The following TAF7L variants were observed in gnomAD, a reference collection of about 807,000 sequenced individuals.
TAF7L encodes TATA-box binding protein associated factor 7 like, also known as transcription initiation factor TFIID subunit 7-like.
In TAF7L, 6 loss-of-function variants were observed where a neutral mutation model predicts 30.2. That is an observed-to-expected ratio of 0.20 (90% CI 0.11 to 0.39). TAF7L has a LOEUF of 0.39. Ranked by LOEUF, TAF7L falls within the 10% of genes least tolerant of loss-of-function variation. The pLI is 1.00. For missense variants in TAF7L, 284 were observed against 277.1 expected (o/e 1.03, Z -0.18); for synonymous variants, 93 against 94.5 (o/e 0.98, Z 0.09).
chrX:101,285,248 C>A (rs1031523995), intron 3 of TAF7L, among the ~76,000 whole-genome samples: 19 of 110,924 alleles, frequency 1.7e-4, no homozygotes, highest in African/African-American at 5.9e-4. Flanking sequence ...GTAATCCCAG[C>A]ACTTTGGGAG....
intron 9 of TAF7L, among the ~76,000 whole-genome samples, 167 bp from the exon 10 acceptor site, chrX:101,276,695 G>A (rs767373725): frequency 1.8e-5 from 2 of 111,639 alleles, no homozygotes; most frequent in South Asian, 7.5e-4. Context: ...GACAGCAAAT[G>A]CAAAACACTG....
chrX:101,281,884 C>CA, intron 5 of TAF7L, 109 bp from the exon 6 acceptor site: 1 of 601,190 alleles, frequency 1.7e-6, no homozygotes, highest in Non-Finnish European at 2.4e-6. Context: ...TGACATCACT[C>CA]CTTTTTTTTT....
chrX:101,287,778 A>C (rs1924657767), intron 1 of TAF7L: 1 of 306,992 alleles, frequency 3.3e-6, no homozygotes, highest in Admixed American at 6.0e-5. Context: ...GTCAATCCAA[A>C]TTACATGATG....
intron 1 of TAF7L, among the ~76,000 whole-genome samples, chrX:101,288,173 G>C (rs1422759400): frequency 1.9e-5 from 2 of 105,221 alleles, no homozygotes; most frequent in African/African-American, 7.0e-5. Context: ...ACAGAGTCTC[G>C]CTCTGTCGCC....
intron 3 of TAF7L, among the ~76,000 whole-genome samples, chrX:101,285,391 G>A (rs1442745964): frequency 3.7e-5 from 4 of 106,957 alleles, no homozygotes; most frequent in African/African-American, 1.0e-4. Flanking sequence ...CCAGCTACTC[G>A]GAAGGCTGAG....
At chrX:101,289,190 T>C (rs2077890675) in intron 1 of TAF7L, among the ~76,000 whole-genome samples, 2 of 112,248 alleles carry the variant, frequency 1.8e-5, no homozygotes, top group African/African-American at 6.5e-5. Flanking sequence ...TAATATAATA[T>C]CCTCCAGATT....
At chrX:101,274,798 T>A (rs1924103517) in intron 12 of TAF7L, among the ~76,000 whole-genome samples, 1 of 112,380 alleles carries the variant, frequency 8.9e-6, no homozygotes, top group African/African-American at 3.2e-5. Flanking sequence ...TTTCAACGTT[T>A]AATTATTAGA....
intron 1 of TAF7L, among the ~76,000 whole-genome samples, chrX:101,288,164 CAG>C (rs1924672395): frequency 9.5e-6 from 1 of 105,005 alleles, no homozygotes; most frequent in South Asian, 4.4e-4. Context: ...TTTTTCAAGA[CAG>C]AGTCTCGCTC....
upstream of TAF7L, chrX:101,292,852 G>T: frequency 8.3e-7 from 1 of 1,211,643 alleles, no homozygotes; most frequent in Non-Finnish European, 1.1e-6. Flanking sequence ...GTCCGCATCC[G>T]TTTGAGTGTC....
At chrX:101,289,068 C>T (rs1002434751) in intron 1 of TAF7L, among the ~76,000 whole-genome samples, 5 of 111,908 alleles carry the variant, frequency 4.5e-5, no homozygotes, top group African/African-American at 1.6e-4. Flanking sequence ...CCCGCTACTC[C>T]AGCCTGTAAT....
intron 4 of TAF7L, 140 bp downstream of exon 4, chrX:101,283,310 A>C: frequency 1.5e-6 from 1 of 675,312 alleles, no homozygotes; most frequent in Non-Finnish European, 2.2e-6. Flanking sequence ...ATGACATTTC[A>C]TTCCTGTGCA....
At position 101,279,019 on chromosome X, in the gene TAF7L, T is replaced by C; in HGVS notation, c.479A>G (p.Glu160Gly). The part of the protein sequence containing the change: ...KTQKKVPDVK[E>G]MEKSSFTEYI... ...CTCAGTAAAGCTGCTTTTTTCCATT[T>C]CTTTGACATCAGGGACCTATGAAAT... Residue 160 changes from glutamate (E) to glycine (G), a missense_variant, in exon 7 of 13, where the codon GAA becomes GGA. Coordinates refer to ENST00000356784, the MANE Select transcript of TAF7L (RefSeq NM_001168474.2). The C allele has an allele frequency of 8.3e-7, 1 of 1,204,619 alleles. No homozygotes were observed. The highest frequency in any genetic ancestry group is 1.8e-5 in the South Asian group (1 of 56,427).
At chrX:101,275,858 A>G (rs200282901) in intron 11 of TAF7L, 142 bp downstream of exon 11, 1 of 421,579 alleles carries the variant, frequency 2.4e-6, no homozygotes, top group East Asian at 3.9e-5. Context: ...AAACAGGGTT[A>G]TCTTTTATTA....
chrX:101,275,195 T>C, intron 12 of TAF7L, 27 bp downstream of exon 12: 8 of 1,088,116 alleles, frequency 7.4e-6, no homozygotes, highest in Non-Finnish European at 1.0e-5. Context: ...AAATGTTTTC[T>C]GGTTAATTTG....
intron 12 of TAF7L, among the ~76,000 whole-genome samples, chrX:101,271,748 TGAC>T (rs1923972168): frequency 8.9e-6 from 1 of 111,890 alleles, no homozygotes; most frequent in Non-Finnish European, 1.9e-5. Flanking sequence ...TGTCACCAGG[TGAC>T]AGGAATTTCT....
In TAF7L at chrX:101,276,063, C is replaced by A; in HGVS notation, c.963G>T (p.Lys321Asn). 2 of 1,206,812 alleles carry A rather than the reference C, an allele frequency of 1.7e-6. 1 individual carries two copies. Among genetic ancestry groups the A allele is most frequent in the South Asian group, 3.6e-5 (2 of 55,460 alleles). Residue 321 changes from lysine (K) to asparagine (N), a missense_variant, in exon 11 of 13, where the codon AAG (lysine) becomes AAT (asparagine). Coordinates refer to ENST00000356784, the MANE Select transcript of TAF7L (RefSeq NM_001168474.2). ...QIEKKEKKLH[K>N]IQNKAQRQKD... ...TCTGTCTTTGTGCTTTATTCTGAAT[C>A]TTATGGAGCTTTTTCTCCTTTTTCT...
At position 101,268,855 on chromosome X, in the gene TAF7L, C is replaced by T. The variant is rs774810426; in HGVS notation, c.*338G>A. On this transcript the variant is annotated 3_prime_UTR_variant, in exon 13 of 13. Coordinates refer to ENST00000356784, the MANE Select transcript of TAF7L (RefSeq NM_001168474.2). ...TGGTGCACAACTGTAGTCCCAGCTA[C>T]TCAGGAGGCTGAGGCGGAAGGATCC... 9 of 172,254 alleles carry T rather than the reference C, an allele frequency of 5.2e-5. No individual in the cohort carries two copies. Among genetic ancestry groups the T allele is most frequent in the Non-Finnish European group, 8.7e-5 (8 of 92,237 alleles). The allele number at this position is 172,254 out of a possible 1,213,427, so 14.2% of individuals were successfully genotyped here.
intron 4 of TAF7L, 94 bp from the exon 5 acceptor site, chrX:101,282,547 C>T: frequency 1.0e-6 from 1 of 973,148 alleles, no homozygotes; most frequent in Non-Finnish European, 1.4e-6. Context: ...ACAGAAGAGA[C>T]TGATACTTGC....
intron 11 of TAF7L, among the ~76,000 whole-genome samples, chrX:101,275,669 G>A (rs1879659933): frequency 9.0e-6 from 1 of 111,384 alleles, no homozygotes; most frequent in Non-Finnish European, 1.9e-5. Context: ...TGGGAGTGGT[G>A]ACAGTATTTA....
Sources: allele counts gnomAD v4.1 joint callset (sites outside exome capture counted in the v4.1 genomes callset), GRCh38; gene constraint gnomAD v4.1.1; transcripts MANE v1.5; gene names NCBI Gene and HGNC (gene_info 2026-07-23, HGNC 2026-07-21).